Variants in ROBO2 observed in about 807,000 individuals in gnomAD.
The protein encoded by ROBO2 is roundabout guidance receptor 2, also known as roundabout homolog 2.
ROBO2 carries 53 observed loss-of-function variants against 160.8 expected under a neutral mutation model. That is an observed-to-expected ratio of 0.33 (90% confidence interval 0.26 to 0.41). ROBO2 has a LOEUF of 0.41. Among genes scored for constraint, ROBO2 ranks in the 10% least tolerant of loss-of-function variants. The pLI is 1.00. For missense variants in ROBO2, 1,577 were observed against 1,722.4 expected, an observed-to-expected ratio of 0.92 and a Z score of 1.49; for synonymous variants, 664 against 611.7, an observed-to-expected ratio of 1.09 and a Z score of -1.26.
At chr3:76,970,707 T>A (rs1338996290) in intron 2 of ROBO2, among the ~76,000 whole-genome samples, 2 of 152,136 alleles carry the variant, frequency 1.3e-5, no homozygotes, top group African/African-American at 4.8e-5. Flanking sequence ...TCAGGTAAAA[T>A]GATAATAAAC....
intron 2 of ROBO2, among the ~76,000 whole-genome samples, chr3:76,765,640 G>A (rs1268521662): frequency 6.6e-6 from 1 of 151,648 alleles, no homozygotes; most frequent in South Asian, 2.1e-4. Flanking sequence ...ATCTGTAAGT[G>A]CTCCACTTGA....
intron 2 of ROBO2, among the ~76,000 whole-genome samples, chr3:77,359,568 G>A (rs1344789113): frequency 6.6e-6 from 1 of 152,156 alleles, no homozygotes; most frequent in Non-Finnish European, 1.5e-5. Flanking sequence ...TTACCTGTGA[G>A]TCTGAGTGTG....
At chr3:77,468,789 A>G in intron 2 of ROBO2, among the ~76,000 whole-genome samples, 1 of 152,162 alleles carries the variant, frequency 6.6e-6, no homozygotes. Flanking sequence ...TATCTGGATC[A>G]TTTGCTCAGT....
At chr3:76,753,751 T>A (rs1312434813) in intron 2 of ROBO2, among the ~76,000 whole-genome samples, 1 of 151,798 alleles carries the variant, frequency 6.6e-6, no homozygotes, top group Non-Finnish European at 1.5e-5. Flanking sequence ...TTCATTAAAA[T>A]TTCCCCTGTC....
intron 2 of ROBO2, among the ~76,000 whole-genome samples, chr3:76,635,555 G>A (rs1318543791): frequency 6.6e-6 from 1 of 152,106 alleles, no homozygotes; most frequent in Non-Finnish European, 1.5e-5. Flanking sequence ...TTCATTTTCT[G>A]TTTCTTACTC....
chr3:76,383,993 C>T (rs1264583725), intron 2 of ROBO2, among the ~76,000 whole-genome samples: 1 of 152,160 alleles, frequency 6.6e-6, no homozygotes, highest in African/African-American at 2.4e-5. Flanking sequence ...GAGCATGTGA[C>T]AAGACAGGCT....
At chr3:77,105,520 T>C (rs963617178) in intron 2 of ROBO2, among the ~76,000 whole-genome samples, 1 of 152,198 alleles carries the variant, frequency 6.6e-6, no homozygotes, top group Non-Finnish European at 1.5e-5. Context: ...TTTGTGAGTG[T>C]GCCTTTTAAT....
intron 2 of ROBO2, among the ~76,000 whole-genome samples, chr3:76,322,928 C>G (rs1002618138): frequency 6.6e-6 from 1 of 152,058 alleles, no homozygotes; most frequent in Non-Finnish European, 1.5e-5. Flanking sequence ...AACAGAGACA[C>G]TGAATTTCTG....
chr3:76,031,730 A>G (rs1250250717), intron 2 of ROBO2, among the ~76,000 whole-genome samples: 1 of 152,078 alleles, frequency 6.6e-6, no homozygotes, highest in Non-Finnish European at 1.5e-5. Flanking sequence ...ATCTTGGTGG[A>G]TAAGCTTTTT....
At chr3:77,300,810 G>GA (rs2062587343) in intron 2 of ROBO2, among the ~76,000 whole-genome samples, 1 of 151,850 alleles carries the variant, frequency 6.6e-6, no homozygotes, top group African/African-American at 2.4e-5. Flanking sequence ...CAGGAGAGTT[G>GA]GGGGGCTTAT....
chr3:76,499,584 C>G (rs764093985), intron 2 of ROBO2, among the ~76,000 whole-genome samples: 3 of 152,186 alleles, frequency 2.0e-5, no homozygotes, highest in Non-Finnish European at 4.4e-5. Context: ...CCCAATCAGT[C>G]TCTTTTGAGA....
chr3:77,382,724 T>A (rs1212284182), intron 2 of ROBO2, among the ~76,000 whole-genome samples: 1 of 152,220 alleles, frequency 6.6e-6, no homozygotes, highest in Non-Finnish European at 1.5e-5. Flanking sequence ...TCCGCCTCCA[T>A]CCATTTGCTG....
chr3:77,624,009 T>C (rs547232756), intron 23 of ROBO2, among the ~76,000 whole-genome samples: 1 of 152,316 alleles, frequency 6.6e-6, no homozygotes, highest in African/African-American at 2.4e-5. Context: ...CAGTCTGTAT[T>C]TCTCCTGTAG....
At chr3:76,301,644 A>G (rs930728535) in intron 2 of ROBO2, among the ~76,000 whole-genome samples, 4 of 152,060 alleles carry the variant, frequency 2.6e-5, no homozygotes, top group African/African-American at 9.7e-5. Flanking sequence ...AGTTGCTTTT[A>G]AAGACCTGTT....
At chr3:76,710,102 C>T (rs2093259467) in intron 2 of ROBO2, among the ~76,000 whole-genome samples, 1 of 150,794 alleles carries the variant, frequency 6.6e-6, no homozygotes, top group African/African-American at 2.4e-5. Flanking sequence ...CTCTTCCAAA[C>T]ACTTGTCCTT....
chr3:76,360,237 T>G (rs2075427367), intron 2 of ROBO2, among the ~76,000 whole-genome samples: 1 of 152,046 alleles, frequency 6.6e-6, no homozygotes, highest in Non-Finnish European at 1.5e-5. Flanking sequence ...CTTTTCGGTT[T>G]TCCAGCTTTA....
exon 26 of ROBO2, chr3:77,647,743 A>G (rs1306127006): frequency 6.6e-6 from 1 of 152,108 alleles, no homozygotes; most frequent in Non-Finnish European, 1.5e-5. Context: ...AATTTTTCCT[A>G]TGATAAGTTC....
At chr3:76,064,723 G>A (rs1478563733) in intron 2 of ROBO2, among the ~76,000 whole-genome samples, 1 of 152,056 alleles carries the variant, frequency 6.6e-6, no homozygotes, top group Non-Finnish European at 1.5e-5. Flanking sequence ...TACATACAAT[G>A]TAGAAGCACA....
At position 76,358,776 on chromosome 3, in the gene ROBO2, TTTATTA is replaced by T. The variant is rs533848203; in HGVS notation, c.109+421182_109+421187del. On this transcript the variant is annotated intron_variant, in intron 2 of 26. Transcript: ENST00000487694. ...TTGATGCTGTTTAAATTTTTTTTAT[TTTATTA>T]TTATTATACTTTAAGTTTTAGGGTA... 1.7e-4 allele frequency among the ~76,000 whole-genome samples: 26 copies of T among 151,990 alleles called. No individual in the cohort carries two copies. The East Asian group carries it at 4.9e-3, about 28-fold the overall frequency.
Sources: gnomAD v4.1 joint callset for allele counts (sites outside exome capture counted in the v4.1 genomes callset) on GRCh38, gnomAD v4.1.1 for gene constraint, MANE v1.5 for transcripts, NCBI Gene and HGNC (gene_info 2026-07-23, HGNC 2026-07-21) for gene names.